The following NDUFS4 variants were observed in gnomAD, a reference collection of about 807,000 sequenced individuals.
NDUFS4 encodes the protein NADH:ubiquinone oxidoreductase subunit S4.
A neutral mutation model predicts 24.3 loss-of-function variants in NDUFS4; 28 were observed. That is an observed-to-expected ratio of 1.15 (90% confidence interval 0.85 to 1.58). The LOEUF is 1.58. Among genes scored for constraint, NDUFS4 ranks in the 40% most tolerant of loss-of-function variants. NDUFS4 has a pLI of 0.00. For synonymous variants in NDUFS4, 93 were observed against 69.7 expected (o/e 1.34, Z -1.67); for missense variants, 223 against 207.9 (o/e 1.07, Z -0.45).
intron 2 of NDUFS4, among the ~76,000 whole-genome samples, chr5:53,610,313 T>C (rs1352440069): frequency 6.6e-6 from 1 of 152,144 alleles, no homozygotes; most frequent in East Asian, 1.9e-4. Flanking sequence ...ACACAACCTT[T>C]ATTAATTTAG....
At chr5:53,603,202 G>A (rs1750381506) in intron 1 of NDUFS4, among the ~76,000 whole-genome samples, 1 of 152,152 alleles carries the variant, frequency 6.6e-6, no homozygotes. Context: ...TGGCCTTTCT[G>A]TGACAGAGAG....
intron 1 of NDUFS4, among the ~76,000 whole-genome samples, chr5:53,594,275 A>G (rs2607485): frequency 0.2 from 31,044 of 151,972 alleles, 3,692 homozygotes; most frequent in East Asian, 0.46. Context: ...TGACCCCTTT[A>G]TCACTATCAC....
chr5:53,580,762 T>C (rs1749540906), intron 1 of NDUFS4, among the ~76,000 whole-genome samples: 1 of 151,294 alleles, frequency 6.6e-6, no homozygotes, highest in South Asian at 2.1e-4. Context: ...TTTCTCTTTC[T>C]TTCTTTCTTT....
chr5:53,622,896 C>G (rs1285624537), intron 2 of NDUFS4, among the ~76,000 whole-genome samples: 1 of 152,150 alleles, frequency 6.6e-6, no homozygotes, highest in Non-Finnish European at 1.5e-5. Flanking sequence ...TTTATGCTCT[C>G]CCCTGTTCCT....
intron 1 of NDUFS4, among the ~76,000 whole-genome samples, chr5:53,563,423 G>T (rs1434940178): frequency 6.6e-6 from 1 of 151,902 alleles, no homozygotes; most frequent in Non-Finnish European, 1.5e-5. Context: ...TTGTGCTGTA[G>T]TGTTGGTCTC....
chr5:53,632,021 C>T (rs572872907), intron 2 of NDUFS4, among the ~76,000 whole-genome samples: 7 of 152,302 alleles, frequency 4.6e-5, no homozygotes, highest in East Asian at 1.9e-4. Flanking sequence ...TGCTTCGGCT[C>T]GCCCTCCGTG....
chr5:53,607,562 A>G (rs571705634), intron 2 of NDUFS4, among the ~76,000 whole-genome samples: 3 of 152,324 alleles, frequency 2.0e-5, no homozygotes, highest in African/African-American at 7.2e-5. Flanking sequence ...AATGCAATAT[A>G]TTAACGTTTG....
intron 4 of NDUFS4, among the ~76,000 whole-genome samples, chr5:53,663,929 G>A (rs1471375697): frequency 3.3e-5 from 5 of 152,116 alleles, no homozygotes; most frequent in African/African-American, 4.8e-5. Context: ...TCTTAGCCTC[G>A]ATGGTCTTTA....
chr5:53,646,480 C>T (rs1472746115), intron 3 of NDUFS4, 75 bp downstream of exon 3: 9 of 1,498,018 alleles, frequency 6.0e-6, no homozygotes, highest in South Asian at 1.1e-5. Flanking sequence ...ATATGATTTT[C>T]AAACTCTTTT....
At chr5:53,579,980 A>C (rs1046985455) in intron 1 of NDUFS4, among the ~76,000 whole-genome samples, 4 of 152,218 alleles carry the variant, frequency 2.6e-5, no homozygotes. Flanking sequence ...TCCTGCTGAC[A>C]CATTGATATT....
intron 1 of NDUFS4, among the ~76,000 whole-genome samples, chr5:53,573,411 AT>A (rs1252795386): frequency 6.6e-6 from 1 of 152,048 alleles, no homozygotes; most frequent in Non-Finnish European, 1.5e-5. Context: ...AAAAGTTGAC[AT>A]TTCTGCTGTG....
At chr5:53,609,700 A>G (rs1049871182) in intron 2 of NDUFS4, among the ~76,000 whole-genome samples, 5 of 152,160 alleles carry the variant, frequency 3.3e-5, no homozygotes, top group African/African-American at 1.2e-4. Flanking sequence ...TCTATTGTTT[A>G]GTATAGCCAC....
intron 2 of NDUFS4, among the ~76,000 whole-genome samples, chr5:53,636,686 A>C (rs894512831): frequency 6.6e-6 from 1 of 152,182 alleles, no homozygotes; most frequent in East Asian, 1.9e-4. Flanking sequence ...GTAATCCCCG[A>C]CATTGGAGGT....
chr5:53,605,738 G>A (rs1292145370), intron 2 of NDUFS4, among the ~76,000 whole-genome samples: 1 of 152,158 alleles, frequency 6.6e-6, no homozygotes, highest in Non-Finnish European at 1.5e-5. Flanking sequence ...CCTGAGGTGG[G>A]ACGCAGTGGC....
Position 53,560,701 on chromosome 5 carries a change from G to A in NDUFS4, c.39G>A (p.Thr13=), listed in dbSNP as rs777881136. The A allele has an allele frequency of 6.8e-6, 11 of 1,614,240 alleles. No individual in the cohort carries two copies. Among genetic ancestry groups the A allele is most frequent in the Non-Finnish European group, 8.5e-6 (10 of 1,180,038 alleles). Residue 13 remains threonine (T), a synonymous_variant, in exon 1 of 5, where the codon ACG becomes ACA. Coordinates refer to ENST00000296684, the MANE Select transcript of NDUFS4 (RefSeq NM_002495.4). The stretch of plus-strand genomic sequence containing the variant: ...CAATGTCAGTGGTACTGAGGCAGAC[G>A]TTGTGGCGGAGAAGGGCAGTGGCTG... ...AVSMSVVLRQ[T]LWRRRAVAVA...
chr5:53,633,442 A>G (rs537958279), intron 2 of NDUFS4, among the ~76,000 whole-genome samples: 1 of 152,288 alleles, frequency 6.6e-6, no homozygotes, highest in East Asian at 1.9e-4. Flanking sequence ...AGGAAGATAA[A>G]GGATCACAGA....
intron 2 of NDUFS4, among the ~76,000 whole-genome samples, chr5:53,621,445 C>A (rs571433004): frequency 6.6e-6 from 1 of 151,984 alleles, no homozygotes; most frequent in Admixed American, 6.6e-5. Context: ...TTTACATTTA[C>A]CATCTTGCTG....
chr5:53,581,947 C>T (rs1749579657), intron 1 of NDUFS4, among the ~76,000 whole-genome samples: 1 of 152,140 alleles, frequency 6.6e-6, no homozygotes, highest in South Asian at 2.1e-4. Context: ...CGTGGTGGCT[C>T]ACGCCTGTAA....
intron 3 of NDUFS4, among the ~76,000 whole-genome samples, chr5:53,656,279 T>C (rs1752159666): frequency 6.6e-6 from 1 of 152,102 alleles, no homozygotes; most frequent in South Asian, 2.1e-4. Context: ...GTCCAGAGTT[T>C]ATAGTTAGGC....
Sources: allele counts gnomAD v4.1 joint callset (sites outside exome capture counted in the v4.1 genomes callset), GRCh38; gene constraint gnomAD v4.1.1; transcripts MANE v1.5; gene names NCBI Gene and HGNC (gene_info 2026-07-23, HGNC 2026-07-21).